The following DRC11 variants were observed in gnomAD, a reference collection of about 807,000 sequenced individuals.
The protein encoded by DRC11 is IQ and AAA domain-containing protein 1.
the DRC11 span, among the ~76,000 whole-genome samples, chr2:236,494,097 T>C: frequency 6.6e-6 from 1 of 152,212 alleles, no homozygotes; most frequent in Non-Finnish European, 1.5e-5. The surrounding 1 kb of genome is among the most constrained non-coding windows in gnomAD (Gnocchi z 4.2). Context: ...ACCATGCCCC[T>C]TGCTTTAATC....
the DRC11 span, among the ~76,000 whole-genome samples, chr2:236,312,594 T>C: frequency 6.6e-6 from 1 of 152,012 alleles, no homozygotes; most frequent in African/African-American, 2.4e-5. Context: ...TAAATCTATA[T>C]AGTGAAAAGA....
the DRC11 span, among the ~76,000 whole-genome samples, chr2:236,339,584 T>C: frequency 6.6e-6 from 1 of 152,230 alleles, no homozygotes; most frequent in Admixed American, 6.5e-5. Flanking sequence ...TTGATTTTTG[T>C]ATATGGCGTG....
At chr2:236,451,078 A>C in the DRC11 span, among the ~76,000 whole-genome samples, 1 of 152,100 alleles carries the variant, frequency 6.6e-6, no homozygotes, top group African/African-American at 2.4e-5. Flanking sequence ...ATAGACTTCA[A>C]TTTTCATAAG....
At chr2:236,449,559 T>C in the DRC11 span, among the ~76,000 whole-genome samples, 9 of 152,198 alleles carry the variant, frequency 5.9e-5, no homozygotes. This position sits in a 1 kb window ranked among gnomAD's most constrained non-coding sequence, Gnocchi z 5.1. Flanking sequence ...GAAACCTCCT[T>C]TGCACTGTCG....
chr2:236,375,731 T>A, the DRC11 span, among the ~76,000 whole-genome samples: 1 of 152,140 alleles, frequency 6.6e-6, no homozygotes, highest in Admixed American at 6.5e-5. The surrounding 1 kb of genome is among the most constrained non-coding windows in gnomAD (Gnocchi z 4.2). Context: ...GGATGGATAA[T>A]GATAGGGACA....
At chr2:236,475,047 T>C in the DRC11 span, among the ~76,000 whole-genome samples, 1 of 152,134 alleles carries the variant, frequency 6.6e-6, no homozygotes. The surrounding 1 kb of genome is among the most constrained non-coding windows in gnomAD (Gnocchi z 4.8). Flanking sequence ...ACTCACTTTA[T>C]TGAACTATTA....
At chr2:236,388,450 G>A in the DRC11 span, among the ~76,000 whole-genome samples, 1 of 151,454 alleles carries the variant, frequency 6.6e-6, no homozygotes, top group African/African-American at 2.4e-5. Context: ...CCAGTTGATC[G>A]CATCGGCTCC....
chr2:236,505,204 C>G, the DRC11 span, among the ~76,000 whole-genome samples: 4 of 152,248 alleles, frequency 2.6e-5, no homozygotes, highest in Admixed American at 6.5e-5. Flanking sequence ...TTAAAAAGAC[C>G]AGACTGTTAT....
the DRC11 span, among the ~76,000 whole-genome samples, chr2:236,353,021 T>G: frequency 6.6e-6 from 1 of 152,066 alleles, no homozygotes; most frequent in African/African-American, 2.4e-5. The surrounding 1 kb of genome is among the most constrained non-coding windows in gnomAD (Gnocchi z 5.0). Context: ...GGGCTCTGGC[T>G]CTCTACACTC....
the DRC11 span, among the ~76,000 whole-genome samples, chr2:236,329,431 G>C: frequency 1.3e-5 from 2 of 152,168 alleles, no homozygotes; most frequent in Admixed American, 1.3e-4. Context: ...CAGTCAATAC[G>C]TATTAGCTAA....
chr2:236,396,186 C>T, the DRC11 span, among the ~76,000 whole-genome samples: 1 of 150,072 alleles, frequency 6.7e-6, no homozygotes, highest in Non-Finnish European at 1.5e-5. Context: ...ATTCATGGCC[C>T]TCAAAGGGCA....
At chr2:236,384,526 ATTTG>A in the DRC11 span, among the ~76,000 whole-genome samples, 1 of 151,998 alleles carries the variant, frequency 6.6e-6, no homozygotes, top group East Asian at 1.9e-4. Context: ...TTTCTTGTAA[ATTTG>A]TTTGAGTTCA....
At chr2:236,340,209 C>T in the DRC11 span, among the ~76,000 whole-genome samples, 4 of 152,212 alleles carry the variant, frequency 2.6e-5, no homozygotes, top group Non-Finnish European at 4.4e-5. Context: ...CTGCTCATTG[C>T]AATCACCACC....
chr2:236,473,365 G>A, the DRC11 span, among the ~76,000 whole-genome samples: 26 of 152,362 alleles, frequency 1.7e-4, 1 homozygote, highest in South Asian at 5.4e-3. The surrounding 1 kb of genome is among the most constrained non-coding windows in gnomAD (Gnocchi z 4.8). Context: ...GCTCGTACTT[G>A]AGGTTAGTTG....
At chr2:236,431,609 T>G in the DRC11 span, among the ~76,000 whole-genome samples, 1 of 152,226 alleles carries the variant, frequency 6.6e-6, no homozygotes, top group Non-Finnish European at 1.5e-5. The surrounding 1 kb of genome is among the most constrained non-coding windows in gnomAD (Gnocchi z 4.2). Context: ...TAATCTACTT[T>G]CTGTGTCTAC....
At chr2:236,487,999 C>T in the DRC11 span, 1 of 1,571,740 alleles carries the variant, frequency 6.4e-7, no homozygotes, top group Non-Finnish European at 8.6e-7. Context: ...TAGGTTTGCA[C>T]CTTCTGAATG....
chr2:236,475,973 G>GT, the DRC11 span, among the ~76,000 whole-genome samples: 6 of 152,118 alleles, frequency 3.9e-5, no homozygotes, highest in Non-Finnish European at 7.4e-5. The surrounding 1 kb of genome is among the most constrained non-coding windows in gnomAD (Gnocchi z 4.8). Context: ...GGTTACTACC[G>GT]TTTTGTAGTA....
the DRC11 span, among the ~76,000 whole-genome samples, chr2:236,467,802 A>C: frequency 3.3e-5 from 5 of 152,220 alleles, no homozygotes; most frequent in Non-Finnish European, 7.3e-5. Flanking sequence ...TTGGAAAAAA[A>C]CATTATCTTA....
the DRC11 span, among the ~76,000 whole-genome samples, chr2:236,353,667 A>G: frequency 4.0e-5 from 6 of 151,898 alleles, no homozygotes; most frequent in African/African-American, 1.5e-4. This position sits in a 1 kb window ranked among gnomAD's most constrained non-coding sequence, Gnocchi z 5.0. Flanking sequence ...CATCCCACAC[A>G]TATTTACGGA....
Sources: allele counts gnomAD v4.1 joint callset (sites outside exome capture counted in the v4.1 genomes callset), GRCh38; gene constraint gnomAD v4.1.1; non-coding constraint Gnocchi (gnomAD v3.1); transcripts MANE v1.5; gene names NCBI Gene and HGNC (gene_info 2026-07-23, HGNC 2026-07-21).